ZNF407: variants seen among roughly 807,000 people sequenced by gnomAD.
The protein encoded by ZNF407 is zinc finger protein 407.
Under a neutral mutation model 131.2 loss-of-function variants are expected in ZNF407, and 17 were observed. The ratio of observed to expected loss-of-function variants is 0.13; its 90% confidence interval spans 0.09 to 0.19. ZNF407 has a LOEUF of 0.19. ZNF407 is among the 10% of genes least tolerant of loss of function. The probability of loss-of-function intolerance (pLI) is 1.00; values close to 1 mark genes in which losing one functional copy is unlikely to be tolerated. For missense variants in ZNF407, 2,681 were observed against 2,830.6 expected (o/e 0.95, Z 1.20); for synonymous variants, 1,156 against 1,062.0 (o/e 1.09, Z -1.72).
At chr18:74,789,570 C>A (rs899827839) in intron 4 of ZNF407, among the ~76,000 whole-genome samples, 2 of 152,132 alleles carry the variant, frequency 1.3e-5, no homozygotes, top group Non-Finnish European at 2.9e-5. Context: ...TTTCCTCTGT[C>A]TGTAAGAGAA....
At chr18:74,730,523 A>C (rs939802430) in intron 3 of ZNF407, among the ~76,000 whole-genome samples, 2 of 151,890 alleles carry the variant, frequency 1.3e-5, no homozygotes, top group African/African-American at 4.8e-5. Flanking sequence ...TGTCTCTGTA[A>C]ATCTTCATTC....
At chr18:74,684,667 GT>G (rs1192274306) in intron 3 of ZNF407, among the ~76,000 whole-genome samples, 1 of 152,218 alleles carries the variant, frequency 6.6e-6, no homozygotes, top group East Asian at 1.9e-4. Context: ...AATGGACTTA[GT>G]TTAATCACAG....
chr18:74,910,582 G>T (rs1971656148), intron 7 of ZNF407, among the ~76,000 whole-genome samples: 1 of 151,838 alleles, frequency 6.6e-6, no homozygotes, highest in Non-Finnish European at 1.5e-5. Context: ...AGAATTTATT[G>T]TGAAGCCTCT....
chr18:74,962,414 G>A (rs1170079200), intron 8 of ZNF407, among the ~76,000 whole-genome samples: 1 of 152,196 alleles, frequency 6.6e-6, no homozygotes, highest in African/African-American at 2.4e-5. Context: ...GACATGGCGT[G>A]GGCCCCTGTT....
rs376693546 is a variant in ZNF407 at position 75,002,940 on chromosome 18, T to C, written c.5429-60210T>C. On this transcript the variant is annotated intron_variant, in intron 8 of 8. Transcript: ENST00000299687. ...GTGGCTTTCCCCTACTCCATTTCTCTTCAGGCAGCTTGTTGGAAATTCAGG... is the reference window on the plus strand; with the variant it reads ...GTGGCTTTCCCCTACTCCATTTCTCCTCAGGCAGCTTGTTGGAAATTCAGG... 7.5e-4 allele frequency among the ~76,000 whole-genome samples: 114 copies of C among 152,336 alleles called. 1 individual carries two copies. The highest frequency in any genetic ancestry group is 2.7e-3 in the African/African-American group (111 of 41,578).
At chr18:74,848,108 CAT>C (rs1048414413) in intron 4 of ZNF407, among the ~76,000 whole-genome samples, 1 of 152,034 alleles carries the variant, frequency 6.6e-6, no homozygotes, top group Non-Finnish European at 1.5e-5. Flanking sequence ...AACCTGAACT[CAT>C]ATAGGATTTT....
intron 8 of ZNF407, among the ~76,000 whole-genome samples, chr18:74,978,810 C>T (rs1370067492): frequency 6.6e-6 from 1 of 152,000 alleles, no homozygotes; most frequent in African/African-American, 2.4e-5. Context: ...TGGAGGTGGT[C>T]ATTGAAGTGG....
At chr18:74,814,081 A>G (rs908411911) in intron 4 of ZNF407, among the ~76,000 whole-genome samples, 1 of 152,156 alleles carries the variant, frequency 6.6e-6, no homozygotes, top group Non-Finnish European at 1.5e-5. Context: ...ATGTTTTAGT[A>G]GCATTGAGAA....
At position 74,642,944 on chromosome 18, in the gene ZNF407, G is replaced by A. The variant is rs1599035862; in HGVS notation, c.4802+1822G>A. On this transcript the variant is annotated intron_variant, in intron 3 of 8. Coordinates refer to ENST00000299687, the MANE Select transcript of ZNF407 (RefSeq NM_017757.3). The stretch of plus-strand genomic sequence containing the variant: ...TGAAATTTGATTTAAAAGTTAGGTA[G>A]CAATAATTTTAACAGTGACGCTGAG... Among the ~76,000 whole-genome samples, 3 of 152,182 alleles carry A rather than the reference G, an allele frequency of 2.0e-5. No individual in the cohort carries two copies. The South Asian group carries it at 6.2e-4, about 32-fold the overall frequency.
At chr18:74,811,760 A>ATTGC (rs1418215044) in intron 4 of ZNF407, among the ~76,000 whole-genome samples, 1 of 152,112 alleles carries the variant, frequency 6.6e-6, no homozygotes, top group Non-Finnish European at 1.5e-5. Flanking sequence ...CATTCTCAGT[A>ATTGC]AACTATTGCA....
intron 4 of ZNF407, among the ~76,000 whole-genome samples, chr18:74,827,200 GT>G (rs1568232469): frequency 6.6e-6 from 1 of 152,160 alleles, no homozygotes; most frequent in Non-Finnish European, 1.5e-5. Context: ...CCCGGAGTAT[GT>G]ATTTTGGTAT....
chr18:74,621,239 C>T (rs1159732928), intron 1 of ZNF407, among the ~76,000 whole-genome samples: 1 of 151,956 alleles, frequency 6.6e-6, no homozygotes, highest in Admixed American at 6.6e-5. Context: ...GGTATTCATC[C>T]CCTGAAGCAA....
At chr18:74,828,067 A>C (rs1970433157) in intron 4 of ZNF407, among the ~76,000 whole-genome samples, 3 of 152,242 alleles carry the variant, frequency 2.0e-5, no homozygotes, top group African/African-American at 7.2e-5. Flanking sequence ...CTGCTTCCGC[A>C]CTGCCTTTCT....
Position 74,808,333 on chromosome 18 carries a change from A to G in ZNF407, c.4877+26831A>G, listed in dbSNP as rs1191075878. On this transcript the variant is annotated intron_variant, in intron 4 of 8. Coordinates refer to ENST00000299687, the MANE Select transcript of ZNF407 (RefSeq NM_017757.3). The stretch of plus-strand genomic sequence containing the variant: ...CCGGCCAGCACTTAGCATTTTTTAT[A>G]TTTTAGTATCTTTGCTCATAAAGCT... 2.0e-5 allele frequency among the ~76,000 whole-genome samples: 3 copies of G among 152,202 alleles called. No homozygotes were observed. The East Asian group carries it at 5.8e-4, about 29-fold the overall frequency.
At chr18:74,695,905 C>T (rs28617330) in intron 3 of ZNF407, among the ~76,000 whole-genome samples, 10,821 of 152,230 alleles carry the variant, frequency 0.071, 446 homozygotes, top group African/African-American at 0.11. Flanking sequence ...TATGAGACTA[C>T]GGTGTAGTGT....
At chr18:74,680,219 C>T (rs139468345) in intron 3 of ZNF407, among the ~76,000 whole-genome samples, 2 of 151,836 alleles carry the variant, frequency 1.3e-5, no homozygotes, top group East Asian at 1.9e-4. Flanking sequence ...GGGGAAACCT[C>T]GTGTCTACAA....
chr18:74,881,490 C>T (rs1259572714), intron 6 of ZNF407, among the ~76,000 whole-genome samples: 1 of 152,060 alleles, frequency 6.6e-6, no homozygotes, highest in Non-Finnish European at 1.5e-5. Flanking sequence ...CCCTCTCAGT[C>T]ATTCTCTCTA....
intron 2 of ZNF407, among the ~76,000 whole-genome samples, chr18:74,636,436 A>T (rs1984467785): frequency 6.6e-6 from 1 of 152,306 alleles, no homozygotes; most frequent in Admixed American, 6.5e-5. Flanking sequence ...TACATTCTTT[A>T]TTTTAAATAG....
At chr18:74,640,831 A>G (rs1334880249) in intron 2 of ZNF407, among the ~76,000 whole-genome samples, 177 bp from the exon 3 acceptor site, 1 of 152,200 alleles carries the variant, frequency 6.6e-6, no homozygotes, top group East Asian at 1.9e-4. Context: ...AAGTCTTCAG[A>G]GTAAAATAAT....
Sources: gnomAD v4.1 joint callset for allele counts (sites outside exome capture counted in the v4.1 genomes callset) on GRCh38, gnomAD v4.1.1 for gene constraint, MANE v1.5 for transcripts, NCBI Gene and HGNC (gene_info 2026-07-23, HGNC 2026-07-21) for gene names.